The following UBXN7 variants were observed in gnomAD, a reference collection of about 807,000 sequenced individuals.
UBXN7 encodes the protein UBX domain-containing protein 7.
In UBXN7, 9 loss-of-function variants were observed where a neutral mutation model predicts 58.0. That is an observed-to-expected ratio of 0.16 (90% CI 0.09 to 0.27). The LOEUF (loss-of-function observed/expected upper bound fraction) is 0.27. Among genes scored for constraint, UBXN7 ranks in the 10% least tolerant of loss-of-function variants. UBXN7 has a pLI of 1.00. For synonymous variants in UBXN7, 208 were observed against 205.0 expected (o/e 1.01, Z -0.12); for missense variants, 328 against 599.6 (o/e 0.55, Z 4.73).
intron 3 of UBXN7, among the ~76,000 whole-genome samples, chr3:196,394,648 T>C (rs1336946012): frequency 6.6e-6 from 1 of 151,686 alleles, no homozygotes; most frequent in African/African-American, 2.4e-5. Flanking sequence ...AGTGGTGATA[T>C]CAGGAAGAAA....
chr3:196,417,724 TAAAAAA>T (rs749981900), intron 1 of UBXN7, among the ~76,000 whole-genome samples: 2 of 31,656 alleles, frequency 6.3e-5, no homozygotes, highest in Non-Finnish European at 1.1e-4. Flanking sequence ...GCAAAATGGT[TAAAAAA>T]AAAAAAAAAA....
chr3:196,363,518 G>A (rs1461453742), intron 8 of UBXN7, among the ~76,000 whole-genome samples: 2 of 151,928 alleles, frequency 1.3e-5, no homozygotes, highest in Non-Finnish European at 2.9e-5. Context: ...TAGTGAGAAA[G>A]GCATGTGGAA....
At chr3:196,405,325 C>T (rs777639814) in intron 2 of UBXN7, among the ~76,000 whole-genome samples, 1 of 151,366 alleles carries the variant, frequency 6.6e-6, no homozygotes, top group African/African-American at 2.4e-5. Context: ...AGAAAATTAG[C>T]CGGGCGTGGT....
At chr3:196,411,197 G>C (rs1730314483) in intron 1 of UBXN7, among the ~76,000 whole-genome samples, 1 of 152,154 alleles carries the variant, frequency 6.6e-6, no homozygotes. Context: ...CTTGAACAGA[G>C]GAACTGGTTT....
rs1356166632 is a variant in UBXN7 at position 196,350,486 on chromosome 3, T to C, written c.*6199A>G. 1 of 152,222 alleles carries C rather than the reference T, an allele frequency of 6.6e-6. No individual in the cohort carries two copies. The highest frequency in any genetic ancestry group is 1.5e-5 in the Non-Finnish European group (1 of 68,038). The allele number at this position is 152,222 out of a possible 1,614,324, so 9.4% of individuals were successfully genotyped here. On this transcript the variant is annotated 3_prime_UTR_variant, in exon 11 of 11. Transcript: ENST00000296328. ...ACTTTGAAATGGAATTTCTTAAACA[T>C]AGCCAATTACACTAAAAATCATAAC...
chr3:196,389,463 G>C (rs1008094296), intron 5 of UBXN7, among the ~76,000 whole-genome samples: 4 of 152,162 alleles, frequency 2.6e-5, no homozygotes, highest in African/African-American at 9.7e-5. Context: ...ATTGAAACTG[G>C]AGAGCACGCT....
chr3:196,393,756 G>A, intron 3 of UBXN7, 137 bp from the exon 4 acceptor site: 1 of 735,068 alleles, frequency 1.4e-6, no homozygotes, highest in Non-Finnish European at 2.2e-6. Flanking sequence ...TTGCACAGGG[G>A]CCGTGCTAAT....
chr3:196,402,778 C>G (rs978313884), intron 3 of UBXN7, among the ~76,000 whole-genome samples, 174 bp downstream of exon 3: 1 of 152,224 alleles, frequency 6.6e-6, no homozygotes, highest in East Asian at 1.9e-4. Flanking sequence ...TTTTTAACAT[C>G]TGCTTCACTC....
At chr3:196,374,289 T>C (rs1423864939) in intron 5 of UBXN7, among the ~76,000 whole-genome samples, 2 of 152,110 alleles carry the variant, frequency 1.3e-5, no homozygotes, top group Non-Finnish European at 1.5e-5. Flanking sequence ...TTTTCGCTTT[T>C]AAAAATTTGT....
chr3:196,357,730 C>T (rs573740588), intron 10 of UBXN7, among the ~76,000 whole-genome samples: 3 of 152,082 alleles, frequency 2.0e-5, no homozygotes, highest in South Asian at 2.1e-4. Context: ...CATGGTGGTG[C>T]GCACCTGTAA....
At chr3:196,371,869 A>C (rs1466495000) in intron 6 of UBXN7, 27 bp downstream of exon 6, 2 of 1,599,216 alleles carry the variant, frequency 1.3e-6, no homozygotes, top group Admixed American at 3.5e-5. Context: ...AAATTCTACA[A>C]AACTTCTGAT....
chr3:196,404,965 G>A (rs935991319), intron 2 of UBXN7, among the ~76,000 whole-genome samples: 3 of 152,038 alleles, frequency 2.0e-5, no homozygotes, highest in Non-Finnish European at 4.4e-5. Context: ...ACCAGCCTGG[G>A]CAACAAGGCA....
chr3:196,403,069 C>A (rs1172767273), intron 2 of UBXN7, 50 bp from the exon 3 acceptor site: 1 of 1,522,988 alleles, frequency 6.6e-7, no homozygotes, highest in Non-Finnish European at 8.9e-7. Flanking sequence ...TTTCTGCTAC[C>A]TGTTTGCTTT....
At chr3:196,394,587 G>T (rs900217607) in intron 3 of UBXN7, among the ~76,000 whole-genome samples, 7 of 150,874 alleles carry the variant, frequency 4.6e-5, no homozygotes, top group African/African-American at 1.7e-4. Flanking sequence ...TGGGCAAGAA[G>T]AGTGAAACTC....
chr3:196,428,122 G>A (rs556676713), intron 1 of UBXN7, among the ~76,000 whole-genome samples: 8 of 149,768 alleles, frequency 5.3e-5, no homozygotes, highest in African/African-American at 1.7e-4. Context: ...AAATTCTGTC[G>A]AAAACAAAAA....
chr3:196,352,464 T>G lies in UBXN7; in HGVS notation c.*4221A>C, dbSNP rs1361094090. On this transcript the variant is annotated 3_prime_UTR_variant, in exon 11 of 11. Coordinates refer to ENST00000296328, the MANE Select transcript of UBXN7 (RefSeq NM_015562.2). This position sits in a 1 kb window ranked among gnomAD's most constrained non-coding sequence, Gnocchi z 4.1. Reference sequence around the variant, plus strand: ...TTTCACCATGTTGGCCAGGCTGATCTCGAACTCCCAACCTCAGGTGATCCA... The same window carrying G: ...TTTCACCATGTTGGCCAGGCTGATCGCGAACTCCCAACCTCAGGTGATCCA... 1 of 151,984 alleles carries G rather than the reference T, an allele frequency of 6.6e-6. No homozygotes were observed. Among genetic ancestry groups the G allele is most frequent in the Non-Finnish European group, 1.5e-5 (1 of 68,016 alleles). 9.4% of individuals were successfully genotyped at this position (151,984 alleles called of 1,614,324 possible).
chr3:196,362,558 G>GTTCAGA lies in UBXN7; in HGVS notation c.958_963dup (p.Ser320_Glu321dup). 6.2e-7 allele frequency: 1 copy of GTTCAGA among 1,614,082 alleles called. No individual in the cohort carries two copies. Among genetic ancestry groups the GTTCAGA allele is most frequent in the Non-Finnish European group, 8.5e-7 (1 of 1,180,020 alleles). On this transcript the variant is annotated inframe_insertion, in exon 9 of 11. Transcript: ENST00000296328. ...ATGAACTCCTCACTGCCAGAAAAAA[G>GTTCAGA]TTCAGATTCAGATTCTTCATCTGAG... is the stretch of plus-strand genomic sequence containing the variant.
At chr3:196,383,954 C>A (rs1223593266) in intron 5 of UBXN7, among the ~76,000 whole-genome samples, 1 of 152,070 alleles carries the variant, frequency 6.6e-6, no homozygotes, top group Non-Finnish European at 1.5e-5. Flanking sequence ...AAGATCAGAG[C>A]AGAACTGAAG....
chr3:196,415,154 T>C (rs1040081535), intron 1 of UBXN7, among the ~76,000 whole-genome samples: 2 of 98,168 alleles, frequency 2.0e-5, no homozygotes, highest in South Asian at 3.6e-4. Flanking sequence ...ATCATACTTC[T>C]TTTTTTTTTT....
Sources: allele counts gnomAD v4.1 joint callset (sites outside exome capture counted in the v4.1 genomes callset), GRCh38; gene constraint gnomAD v4.1.1; non-coding constraint Gnocchi (gnomAD v3.1); transcripts MANE v1.5; gene names NCBI Gene and HGNC (gene_info 2026-07-23, HGNC 2026-07-21).